Variants in SKAP1 observed in about 807,000 individuals in gnomAD.
SKAP1 encodes the protein src kinase associated phosphoprotein 1, also known as src kinase-associated phosphoprotein 1.
A neutral mutation model predicts 58.5 loss-of-function variants in SKAP1; 44 were observed. The observed-to-expected ratio is 0.75, with a 90% CI of 0.59 to 0.97. The LOEUF (loss-of-function observed/expected upper bound fraction) is 0.97. Among genes scored for constraint, SKAP1 ranks in the 50% least tolerant of loss-of-function variants. The probability of loss-of-function intolerance (pLI) is 0.00; values close to 1 mark genes in which losing one functional copy is unlikely to be tolerated. For synonymous variants in SKAP1, 127 were observed against 149.7 expected (o/e 0.85, Z 1.11); for missense variants, 390 against 435.2 (o/e 0.90, Z 0.92).
intron 4 of SKAP1, among the ~76,000 whole-genome samples, chr17:48,245,012 G>T (rs1001253198): frequency 1.3e-5 from 2 of 152,170 alleles, no homozygotes; most frequent in African/African-American, 4.8e-5. Context: ...GTTAGAGAAA[G>T]AACACACCCC....
At chr17:48,286,964 C>T (rs772308833) in intron 4 of SKAP1, among the ~76,000 whole-genome samples, 21 of 152,156 alleles carry the variant, frequency 1.4e-4, no homozygotes, top group Middle Eastern at 3.4e-3. Flanking sequence ...GGCTTGCTGG[C>T]GCACGCCTGT....
chr17:48,189,515 G>A lies in SKAP1; in HGVS notation c.281-15C>T. 1 of 1,600,716 alleles carries A rather than the reference G, an allele frequency of 6.2e-7. No homozygotes were observed. The highest frequency in any genetic ancestry group is 2.2e-5 in the East Asian group (1 of 44,804). On this transcript the variant is annotated splice_polypyrimidine_tract_variant and intron_variant, in intron 4 of 12. Coordinates refer to ENST00000336915, the MANE Select transcript of SKAP1 (RefSeq NM_003726.4). ...GTCTTCCATTCCTAAAAGGACCAAT[G>A]GCAAAATGCTTTATTGAAACCTGGC...
At chr17:48,267,581 AATG>A (rs1256222689) in intron 4 of SKAP1, among the ~76,000 whole-genome samples, 1 of 152,210 alleles carries the variant, frequency 6.6e-6, no homozygotes, top group East Asian at 1.9e-4. Context: ...TAACTTAGAA[AATG>A]ATAATTTTCT....
intron 4 of SKAP1, among the ~76,000 whole-genome samples, chr17:48,270,432 C>T (rs889303594): frequency 2.0e-5 from 3 of 152,026 alleles, no homozygotes; most frequent in Non-Finnish European, 4.4e-5. Context: ...CAACCTCCAC[C>T]TCCCGGGTTC....
intron 4 of SKAP1, chr17:48,308,828 T>C (rs564234627): frequency 6.6e-6 from 1 of 152,186 alleles, no homozygotes; most frequent in African/African-American, 2.4e-5. Flanking sequence ...TGAGTTAATA[T>C]ACATAAAGCA....
chr17:48,421,812 G>A (rs944909086), intron 1 of SKAP1, among the ~76,000 whole-genome samples: 2 of 152,182 alleles, frequency 1.3e-5, no homozygotes, highest in Non-Finnish European at 2.9e-5. Context: ...CTGCAGGCTA[G>A]GTGACAACAA....
chr17:48,137,274 C>A lies in SKAP1; in HGVS notation c.1042G>T (p.Glu348Ter). The stretch of plus-strand genomic sequence containing the variant: ...ACTTCAAAGGCAGTGGTGAGATACT[C>A]CTTTGGAACAATCCCAACGAGGCTG... ...LNSLVGIVPKEYLTTAFEVEE... is the reference protein window; with the variant it reads ...LNSLVGIVPK Residue 348 changes from glutamate to a stop codon, truncating the protein, a stop_gained, in exon 12 of 13, where the codon GAG (glutamate) becomes TAG (stop). Transcript: ENST00000336915. LOFTEE classifies it high-confidence loss of function. 6.2e-7 allele frequency: 1 copy of A among 1,613,870 alleles called. No homozygotes were observed. Among genetic ancestry groups the A allele is most frequent in the Non-Finnish European group, 8.5e-7 (1 of 1,179,802 alleles).
chr17:48,285,490 G>T (rs368652322), intron 4 of SKAP1, among the ~76,000 whole-genome samples: 1 of 151,978 alleles, frequency 6.6e-6, no homozygotes, highest in Non-Finnish European at 1.5e-5. Flanking sequence ...TGGCGTGTGC[G>T]TGTAATCTCA....
chr17:48,141,045 C>G (rs2063761015), intron 11 of SKAP1, among the ~76,000 whole-genome samples: 1 of 152,098 alleles, frequency 6.6e-6, no homozygotes, highest in Non-Finnish European at 1.5e-5. Context: ...CCTCGGCCTC[C>G]CAAAGTACTG....
intron 2 of SKAP1, among the ~76,000 whole-genome samples, chr17:48,395,328 T>C (rs1277061441): frequency 6.6e-6 from 1 of 152,228 alleles, no homozygotes; most frequent in African/African-American, 2.4e-5. Flanking sequence ...TGTGTATTTG[T>C]ACCCACAGCT....
chr17:48,425,768 G>T (rs1211957279), intron 1 of SKAP1, among the ~76,000 whole-genome samples: 1 of 152,186 alleles, frequency 6.6e-6, no homozygotes, highest in Non-Finnish European at 1.5e-5. Context: ...AGACAAGGGT[G>T]CAAAGTGATA....
intron 4 of SKAP1, among the ~76,000 whole-genome samples, chr17:48,228,023 C>T (rs4794531): frequency 1 from 152,193 of 152,312 alleles, 76,037 homozygotes; most frequent in Middle Eastern, 1. Context: ...ATCCTGATCA[C>T]TAATAAGTAG....
chr17:48,193,695 T>C, intron 4 of SKAP1: 1 of 984,758 alleles, frequency 1.0e-6, no homozygotes, highest in Non-Finnish European at 1.2e-6. Flanking sequence ...GATCAAGAAC[T>C]AGTGATCCTG....
intron 1 of SKAP1, among the ~76,000 whole-genome samples, chr17:48,423,692 G>A (rs1352502402): frequency 3.9e-5 from 6 of 152,146 alleles, no homozygotes; most frequent in Non-Finnish European, 7.3e-5. Context: ...ATAAAATAGC[G>A]TTCAAGGATG....
chr17:48,218,019 C>T lies in SKAP1; in HGVS notation c.281-28519G>A, dbSNP rs573968664. Among the ~76,000 whole-genome samples the T allele has an allele frequency of 9.5e-4, 144 of 152,298 alleles. 1 individual carries two copies. The highest frequency in any genetic ancestry group is 2.7e-3 in the African/African-American group (114 of 41,552). On this transcript the variant is annotated intron_variant, in intron 4 of 12. Coordinates refer to ENST00000336915, the MANE Select transcript of SKAP1 (RefSeq NM_003726.4). ...GAGATATTGTTGGATAAACTGATTT[C>T]ATAGAGAAGGAGGAAGGTACTAAGT...
At chr17:48,161,067 A>C (rs2064062295) in intron 11 of SKAP1, among the ~76,000 whole-genome samples, 1 of 152,124 alleles carries the variant, frequency 6.6e-6, no homozygotes, top group Non-Finnish European at 1.5e-5. Flanking sequence ...TCTTGCAAAC[A>C]AAGGGTTGGA....
chr17:48,345,342 A>C (rs922705016), intron 4 of SKAP1, among the ~76,000 whole-genome samples: 11 of 152,242 alleles, frequency 7.2e-5, no homozygotes, highest in Admixed American at 7.2e-4. Context: ...TCATTCCCAA[A>C]TATTCAAGTA....
In SKAP1 at chr17:48,137,219, G is replaced by A. The variant is rs779633634; in HGVS notation, c.*7+10C>T. On this transcript the variant is annotated intron_variant, in intron 12 of 12. Coordinates refer to ENST00000336915, the MANE Select transcript of SKAP1 (RefSeq NM_003726.4). ...ACTATTAGGCAGTTCATTGGCCATG[G>A]TTCTGATACCTGGGTTTCATCTTTC... 6.3e-7 allele frequency: 1 copy of A among 1,578,062 alleles called. No individual in the cohort carries two copies. The highest frequency in any genetic ancestry group is 8.7e-7 in the Non-Finnish European group (1 of 1,147,486).
At position 48,220,921 on chromosome 17, in the gene SKAP1, A is replaced by G. The variant is rs182407188; in HGVS notation, c.281-31421T>C. ...AAGAGAAGCTTTAGGGGTGCTGGTA[A>G]TGTTCTATATCTTGATGTGGGTAGG... On this transcript the variant is annotated intron_variant, in intron 4 of 12. Transcript: ENST00000336915. 5.2e-4 allele frequency among the ~76,000 whole-genome samples: 78 copies of G among 150,462 alleles called. No homozygotes were observed. The East Asian group carries it at 0.013, about 25-fold the overall frequency.
Sources: gnomAD v4.1 joint callset for allele counts (sites outside exome capture counted in the v4.1 genomes callset) on GRCh38, gnomAD v4.1.1 for gene constraint, MANE v1.5 for transcripts, NCBI Gene and HGNC (gene_info 2026-07-23, HGNC 2026-07-21) for gene names.